The following DISC1 variants were observed in gnomAD, a reference collection of about 807,000 sequenced individuals.
DISC1 encodes the protein disrupted in schizophrenia 1 protein.
A neutral mutation model predicts 84.5 loss-of-function variants in DISC1; 57 were observed. The ratio of observed to expected loss-of-function variants is 0.67; its 90% CI spans 0.55 to 0.84. The LOEUF is 0.84. DISC1 is among the 40% of genes least tolerant of loss of function. DISC1 has a pLI of 0.00. For missense variants in DISC1, 1,000 were observed against 1,057.8 expected (o/e 0.95, Z 0.76); for synonymous variants, 411 against 415.2 (o/e 0.99, Z 0.12).
intron 3 of DISC1, among the ~76,000 whole-genome samples, chr1:231,720,043 C>G (rs1038345318): frequency 6.6e-6 from 1 of 152,116 alleles, no homozygotes; most frequent in Non-Finnish European, 1.5e-5. Context: ...AACACTAACC[C>G]GACAGGAGAC....
In DISC1 at chr1:232,037,899, T is replaced by G. The variant is rs1402363536; in HGVS notation, c.*1068T>G. The G allele has an allele frequency of 1.3e-5, 2 of 149,716 alleles. No individual in the cohort carries two copies. Among genetic ancestry groups the G allele is most frequent in the East Asian group, 2.0e-4 (1 of 5,072 alleles). 9.3% of individuals were successfully genotyped at this position (149,716 alleles called of 1,614,324 possible). On this transcript the variant is annotated 3_prime_UTR_variant, in exon 13 of 13. Coordinates refer to ENST00000439617, the MANE Select transcript of DISC1 (RefSeq NM_018662.3). ...GCAGCACAGTACTCAGGCAGTGCAA[T>G]ACTCAGTGCGGTACTCAGTAACACA...
intron 11 of DISC1, among the ~76,000 whole-genome samples, chr1:232,015,900 G>A (rs961428812): frequency 2.2e-4 from 33 of 152,136 alleles, no homozygotes; most frequent in African/African-American, 8.0e-4. Flanking sequence ...TTATGGCAGA[G>A]CAGATCTTAT....
intron 4 of DISC1, among the ~76,000 whole-genome samples, chr1:231,757,181 GTATT>G (rs1432981379): frequency 1.3e-5 from 2 of 152,142 alleles, no homozygotes; most frequent in Admixed American, 6.5e-5. Context: ...TTGGGATCAA[GTATT>G]TATTTATTTT....
At chr1:231,681,681 G>A (rs1291245341) in intron 1 of DISC1, among the ~76,000 whole-genome samples, 2 of 152,052 alleles carry the variant, frequency 1.3e-5, no homozygotes, top group Non-Finnish European at 2.9e-5. Flanking sequence ...AGATTAACAG[G>A]AGAATAGGCA....
chr1:231,788,572 C>T (rs1416883870), intron 6 of DISC1, among the ~76,000 whole-genome samples: 3 of 152,102 alleles, frequency 2.0e-5, no homozygotes, highest in African/African-American at 4.8e-5. Flanking sequence ...CATCAACATA[C>T]GAATTTTGTG....
chr1:231,813,725 A>G (rs1318649901), intron 8 of DISC1, among the ~76,000 whole-genome samples: 2 of 151,608 alleles, frequency 1.3e-5, no homozygotes, highest in Non-Finnish European at 2.9e-5. Flanking sequence ...CTCACCTCCT[A>G]CCCCTTGCCC....
chr1:231,847,454 A>G (rs985965238), intron 9 of DISC1, among the ~76,000 whole-genome samples: 2 of 152,126 alleles, frequency 1.3e-5, no homozygotes, highest in Non-Finnish European at 2.9e-5. Flanking sequence ...TAAGAAGAGA[A>G]TTTAAAATCA....
intron 12 of DISC1, among the ~76,000 whole-genome samples, chr1:232,028,966 G>T (rs1382035196): frequency 6.6e-6 from 1 of 152,146 alleles, no homozygotes; most frequent in Non-Finnish European, 1.5e-5. Context: ...CTGACACAAG[G>T]TCATTTCTGA....
At chr1:231,832,191 G>C (rs1463663724) in intron 9 of DISC1, among the ~76,000 whole-genome samples, 36 of 152,114 alleles carry the variant, frequency 2.4e-4, no homozygotes, top group African/African-American at 8.7e-4. Flanking sequence ...CAGGTGTGAG[G>C]AAGAAAATAG....
At chr1:231,936,910 A>G (rs1251460089) in intron 9 of DISC1, among the ~76,000 whole-genome samples, 1 of 152,206 alleles carries the variant, frequency 6.6e-6, no homozygotes, top group East Asian at 1.9e-4. Context: ...ACAATCAAAA[A>G]CTGAGCTTGA....
intron 5 of DISC1, among the ~76,000 whole-genome samples, chr1:231,769,626 T>C (rs1010782740): frequency 6.6e-6 from 1 of 152,156 alleles, no homozygotes; most frequent in Non-Finnish European, 1.5e-5. Flanking sequence ...AATGGGGAAT[T>C]AGTTTTCAAT....
intron 9 of DISC1, among the ~76,000 whole-genome samples, chr1:231,929,062 G>A (rs2090504815): frequency 6.6e-6 from 1 of 152,176 alleles, no homozygotes; most frequent in Admixed American, 6.5e-5. Flanking sequence ...TTCTGTAGAT[G>A]TCTATTGCGT....
In DISC1 at chr1:231,971,477, G is replaced by A. The variant is rs568094501; in HGVS notation, c.2042+12589G>A. On this transcript the variant is annotated intron_variant, in intron 10 of 12. Transcript: ENST00000439617. ...CTTTACTGACAGTTCTGCAGCAGCC[G>A]TGGCAAATGTAGGTTAGACAAAATA... Among the ~76,000 whole-genome samples, 15 of 152,176 alleles carry A rather than the reference G, an allele frequency of 9.9e-5. No individual in the cohort carries two copies. The East Asian group carries it at 1.7e-3, about 18-fold the overall frequency.
At chr1:231,643,365 A>G (rs1339141060) in intron 1 of DISC1, among the ~76,000 whole-genome samples, 1 of 152,190 alleles carries the variant, frequency 6.6e-6, no homozygotes, top group East Asian at 1.9e-4. Flanking sequence ...AAAAAATAAA[A>G]TAAAATAAAT....
At chr1:231,764,676 GA>G (rs1209080298) in intron 4 of DISC1, among the ~76,000 whole-genome samples, 1 of 152,030 alleles carries the variant, frequency 6.6e-6, no homozygotes, top group African/African-American at 2.4e-5. Context: ...GGGCTACTAA[GA>G]AAAAAACCTG....
intron 9 of DISC1, among the ~76,000 whole-genome samples, chr1:231,873,866 GAGTCTTTCTCTATTGCCC>G (rs2085648996): frequency 6.6e-6 from 1 of 150,698 alleles, no homozygotes; most frequent in South Asian, 2.1e-4. Context: ...TTTTGAGACA[GAGTCTTTCTCTATTGCCC>G]AGGCTGAATG....
chr1:231,867,218 T>TA (rs372280863), intron 9 of DISC1, among the ~76,000 whole-genome samples: 189 of 152,272 alleles, frequency 1.2e-3, no homozygotes, highest in African/African-American at 4.0e-3. Flanking sequence ...AAATCTGCTT[T>TA]AAAAAAATCT....
At chr1:231,724,910 C>G (rs2070403786) in intron 3 of DISC1, among the ~76,000 whole-genome samples, 1 of 152,168 alleles carries the variant, frequency 6.6e-6, no homozygotes, top group Non-Finnish European at 1.5e-5. Flanking sequence ...CCCATTTAAC[C>G]AGGTACTGCT....
chr1:231,948,861 ATTTTTTTTTT>A (rs58931988), intron 9 of DISC1, among the ~76,000 whole-genome samples: 1 of 94,468 alleles, frequency 1.1e-5, no homozygotes, highest in East Asian at 3.8e-4. Context: ...TCCTGTGTTA[ATTTTTTTTTT>A]TTTTTTTTTT....
Sources: allele counts gnomAD v4.1 joint callset (sites outside exome capture counted in the v4.1 genomes callset), GRCh38; gene constraint gnomAD v4.1.1; transcripts MANE v1.5; gene names NCBI Gene and HGNC (gene_info 2026-07-23, HGNC 2026-07-21).